ADGRL3: variants seen among roughly 807,000 people sequenced by gnomAD.
ADGRL3 encodes the protein adhesion G protein-coupled receptor L3.
Under a neutral mutation model 153.5 loss-of-function variants are expected in ADGRL3, and 62 were observed. The observed-to-expected ratio is 0.40, with a 90% CI of 0.33 to 0.50. The LOEUF (loss-of-function observed/expected upper bound fraction) is 0.50, where lower values mean the gene tolerates loss of function less well. Ranked by LOEUF, ADGRL3 falls within the 20% of genes least tolerant of loss-of-function variation. ADGRL3 has a pLI of 0.47. For missense variants in ADGRL3, 1,641 were observed against 1,859.4 expected, an observed-to-expected ratio of 0.88 and a Z score of 2.16; for synonymous variants, 710 against 672.5, an observed-to-expected ratio of 1.06 and a Z score of -0.86.
intron 5 of ADGRL3, among the ~76,000 whole-genome samples, chr4:61,592,477 C>A (rs1184063686): frequency 6.6e-6 from 1 of 151,992 alleles, no homozygotes; most frequent in Non-Finnish European, 1.5e-5. Context: ...AGGCATAGAA[C>A]CTATAATATA....
At chr4:61,839,853 G>A (rs2098000823) in intron 9 of ADGRL3, among the ~76,000 whole-genome samples, 1 of 151,750 alleles carries the variant, frequency 6.6e-6, no homozygotes, top group African/African-American at 2.4e-5. Flanking sequence ...GTGGGGCTGA[G>A]GTGGGAGGAT....
chr4:61,799,702 C>T (rs1396281321), intron 8 of ADGRL3, among the ~76,000 whole-genome samples: 1 of 152,032 alleles, frequency 6.6e-6, no homozygotes, highest in Non-Finnish European at 1.5e-5. Flanking sequence ...TCTTATTCAC[C>T]AAGCTGAAGT....
At chr4:61,324,857 A>G (rs2095433655) in intron 1 of ADGRL3, among the ~76,000 whole-genome samples, 1 of 152,194 alleles carries the variant, frequency 6.6e-6, no homozygotes, top group Admixed American at 6.5e-5. Flanking sequence ...TAGTACTTAC[A>G]TTGGCATGGA....
At chr4:61,760,688 C>T (rs1280344105) in intron 8 of ADGRL3, among the ~76,000 whole-genome samples, 1 of 152,178 alleles carries the variant, frequency 6.6e-6, no homozygotes, top group African/African-American at 2.4e-5. Flanking sequence ...CGACACTCCC[C>T]AGTGAGATGA....
intron 5 of ADGRL3, among the ~76,000 whole-genome samples, chr4:61,625,575 A>G (rs1405521580): frequency 6.6e-6 from 1 of 152,068 alleles, no homozygotes; most frequent in Non-Finnish European, 1.5e-5. Context: ...CTACTTATTA[A>G]TTTGAGTATT....
chr4:61,664,524 T>C (rs1161102092), intron 5 of ADGRL3, among the ~76,000 whole-genome samples: 1 of 152,200 alleles, frequency 6.6e-6, no homozygotes, highest in Non-Finnish European at 1.5e-5. Context: ...TACAATACTT[T>C]TTTTTAATTT....
chr4:61,812,923 T>C (rs924815902), intron 8 of ADGRL3, among the ~76,000 whole-genome samples: 5 of 152,204 alleles, frequency 3.3e-5, no homozygotes, highest in African/African-American at 4.8e-5. Flanking sequence ...ACAGTAGGAA[T>C]ACTTTTGTGT....
intron 1 of ADGRL3, among the ~76,000 whole-genome samples, chr4:61,345,088 A>G (rs548599416): frequency 6.6e-6 from 1 of 151,778 alleles, no homozygotes; most frequent in Non-Finnish European, 1.5e-5. Flanking sequence ...GTGAGACATC[A>G]CGCCCGGCCT....
At chr4:61,726,976 G>A (rs1302456098) in intron 6 of ADGRL3, among the ~76,000 whole-genome samples, 1 of 151,896 alleles carries the variant, frequency 6.6e-6, no homozygotes, top group African/African-American at 2.4e-5. Context: ...AACAATTTTT[G>A]GCATGCAACA....
Position 61,471,817 on chromosome 4 carries a change from A to G in ADGRL3, c.-173-25304A>G, listed in dbSNP as rs2097958763. On this transcript the variant is annotated intron_variant, in intron 2 of 26. Coordinates refer to ENST00000683033, the MANE Select transcript of ADGRL3 (RefSeq NM_001387552.1). ...GGTATTATTGAACAGAGTTTTTCTTAATTGTAAACATTTTTTTTGTAAGAT... is the reference window on the plus strand; with the variant it reads ...GGTATTATTGAACAGAGTTTTTCTTGATTGTAAACATTTTTTTTGTAAGAT... Among the ~76,000 whole-genome samples, 3 of 152,064 alleles carry G rather than the reference A, an allele frequency of 2.0e-5. No homozygotes were observed. In the South Asian group the frequency reaches 6.2e-4, roughly 31 times the overall value.
At chr4:61,786,393 T>C (rs2097275775) in intron 8 of ADGRL3, among the ~76,000 whole-genome samples, 1 of 152,194 alleles carries the variant, frequency 6.6e-6, no homozygotes, top group Non-Finnish European at 1.5e-5. Context: ...CATATGACTC[T>C]TGCCAAAAAT....
intron 5 of ADGRL3, among the ~76,000 whole-genome samples, chr4:61,636,541 C>A (rs1314197453): frequency 6.6e-6 from 1 of 152,048 alleles, no homozygotes; most frequent in Admixed American, 6.6e-5. Flanking sequence ...AATGGAGATA[C>A]TTCCCAAAAT....
At chr4:62,053,154 T>C (rs958706515) in intron 25 of ADGRL3, among the ~76,000 whole-genome samples, 2 of 151,468 alleles carry the variant, frequency 1.3e-5, no homozygotes, top group Admixed American at 1.3e-4. Context: ...AGAAATAGGC[T>C]GTATTAATTT....
chr4:61,200,524 G>C lies in ADGRL3; in HGVS notation c.-1481G>C, dbSNP rs1426868477. ...GGGCGCCGCCGCCGCCGCCGCCGCC[G>C]CTGCTGCTGGTTTTTCTCGGACTGC... On this transcript the variant is annotated 5_prime_UTR_variant, in exon 1 of 27. Coordinates refer to ENST00000683033, the MANE Select transcript of ADGRL3 (RefSeq NM_001387552.1). Among the ~76,000 whole-genome samples, 3 of 151,146 alleles carry C rather than the reference G, an allele frequency of 2.0e-5. No homozygotes were observed. The highest frequency in any genetic ancestry group is 4.4e-5 in the Non-Finnish European group (3 of 67,772).
intron 1 of ADGRL3, among the ~76,000 whole-genome samples, chr4:61,372,347 C>T (rs2096543723): frequency 6.6e-6 from 1 of 152,004 alleles, no homozygotes; most frequent in Non-Finnish European, 1.5e-5. Context: ...TGTTTTTTCC[C>T]CATCTTTGTG....
chr4:61,865,324 C>T (rs929617890), intron 9 of ADGRL3, among the ~76,000 whole-genome samples: 3 of 152,036 alleles, frequency 2.0e-5, no homozygotes, highest in Admixed American at 6.6e-5. Context: ...TTTACCTTTC[C>T]ACCAATTTGA....
intron 1 of ADGRL3, among the ~76,000 whole-genome samples, chr4:61,309,759 G>A (rs1001488751): frequency 2.0e-5 from 3 of 152,186 alleles, no homozygotes; most frequent in African/African-American, 7.2e-5. Context: ...ATAGGATTTA[G>A]TTGTTCCATA....
chr4:61,810,579 G>A (rs1045525053), intron 8 of ADGRL3, among the ~76,000 whole-genome samples: 3 of 151,986 alleles, frequency 2.0e-5, no homozygotes, highest in Non-Finnish European at 4.4e-5. Context: ...AATTGCACAG[G>A]GTTTCTCAAT....
rs759004043 is a variant in ADGRL3 at position 61,934,890 on chromosome 4, A to C, written c.2163A>C (p.Ala721=). 18 of 1,613,682 alleles carry C rather than the reference A, an allele frequency of 1.1e-5. No homozygotes were observed. In the Admixed American group the frequency reaches 3.0e-4, roughly 27 times the overall value. Residue 721 remains alanine, a synonymous_variant, in exon 14 of 27, where the codon GCA becomes GCC. Coordinates refer to ENST00000683033, the MANE Select transcript of ADGRL3 (RefSeq NM_001387552.1). ...NNLLQPQALN[A]WRDLTTSDQL... is the part of the protein sequence containing the mutation. Reference sequence around the variant, plus strand: ...TCCTTCAGCCACAAGCTTTGAATGCATGGAGAGACCTGACTACGAGTGATC... The same window carrying C: ...TCCTTCAGCCACAAGCTTTGAATGCCTGGAGAGACCTGACTACGAGTGATC...
Sources: allele counts gnomAD v4.1 joint callset (sites outside exome capture counted in the v4.1 genomes callset), GRCh38; gene constraint gnomAD v4.1.1; transcripts MANE v1.5; gene names NCBI Gene and HGNC (gene_info 2026-07-23, HGNC 2026-07-21).